ARFGAP2: variants seen among roughly 807,000 people sequenced by gnomAD.
ARFGAP2 encodes the protein ADP-ribosylation factor GTPase-activating protein 2.
ARFGAP2 carries 45 observed loss-of-function variants against 71.9 expected under a neutral mutation model. The observed-to-expected ratio is 0.63, with a 90% CI of 0.49 to 0.80. The LOEUF (loss-of-function observed/expected upper bound fraction) is 0.80, where lower values mean the gene tolerates loss of function less well. Ranked by LOEUF, ARFGAP2 falls within the 30% of genes least tolerant of loss-of-function variation. The pLI is 0.00. For synonymous variants in ARFGAP2, 248 were observed against 249.2 expected, an observed-to-expected ratio of 1.00 and a Z score of 0.05; for missense variants, 633 against 673.9, an observed-to-expected ratio of 0.94 and a Z score of 0.67.
chr11:47,176,481 C>A (rs1565134128), intron 2 of ARFGAP2, 35 bp downstream of exon 2: 1 of 1,596,850 alleles, frequency 6.3e-7, no homozygotes, highest in Non-Finnish European at 8.6e-7. Flanking sequence ...CCTGGCCGGC[C>A]GGGTGGAAAC....
intron 5 of ARFGAP2, chr11:47,174,260 G>A: frequency 5.2e-6 from 1 of 193,764 alleles, no homozygotes; most frequent in Non-Finnish European, 1.1e-5. Flanking sequence ...AACAGGAATT[G>A]AAGCCAAGAG....
chr11:47,176,734 T>C (rs1952847989), intron 1 of ARFGAP2, 48 bp downstream of exon 1: 7 of 1,612,578 alleles, frequency 4.3e-6, no homozygotes, highest in Non-Finnish European at 5.9e-6. Context: ...TCTCCCTCCC[T>C]CAGGCCCCAG....
chr11:47,174,367 CTTTTTTTTTTTTTTTTTTTTT>C (rs10594569), intron 5 of ARFGAP2: 3 of 58,750 alleles, frequency 5.1e-5, no homozygotes, highest in African/African-American at 7.5e-5. Flanking sequence ...AGCACAGTGC[CTTTTTTTTTTTTTTTTTTTTT>C]TTTTTTTTTT....
Position 47,176,811 on chromosome 11 carries a change from TAA to T in ARFGAP2, c.41_42del (p.Phe14Ter), listed in dbSNP as rs758410573. 1.9e-6 allele frequency: 3 copies of T among 1,613,972 alleles called. No individual in the cohort carries two copies. Among genetic ancestry groups the T allele is most frequent in the East Asian group, 2.2e-5 (1 of 44,854 alleles). On this transcript the variant is annotated frameshift_variant, in exon 1 of 16. Transcript: ENST00000524782. LOFTEE classifies it high-confidence loss of function. ...TTGGTTGGAACTGCGCGAAGCCTCT[TAA>T]AAAGAGTCTGGATTTCGGTCTTGTT... is the stretch of plus-strand genomic sequence containing the variant. ...EPNKTEIQTL[F>X]KRLRAVPTNK...
chr11:47,172,057 G>T (rs961248038), intron 8 of ARFGAP2: 1 of 697,950 alleles, frequency 1.4e-6, no homozygotes, highest in Non-Finnish European at 2.4e-6. Flanking sequence ...CAAGCACTCC[G>T]CCAAGCACTA....
At chr11:47,174,912 C>G in intron 5 of ARFGAP2, 103 bp downstream of exon 5, 1 of 1,280,418 alleles carries the variant, frequency 7.8e-7, no homozygotes, top group Non-Finnish European at 1.1e-6. Context: ...CAAGACATCA[C>G]ATCAAAGCAA....
chr11:47,175,093 C>G lies in ARFGAP2; in HGVS notation c.402G>C (p.Trp134Cys). Reference protein sequence around the residue: ...AALARHGTDLWIDNMSSAVPN... With the variant: ...AALARHGTDLCIDNMSSAVPN... ...GAACGGCACTACTCATGTTGTCTAT[C>G]CAAAGCTAGAAAGGAGAAGACACCC... Residue 134 changes from tryptophan to cysteine, a missense_variant, in exon 5 of 16, where the codon TGG (tryptophan) becomes TGC (cysteine). Coordinates refer to ENST00000524782, the MANE Select transcript of ARFGAP2 (RefSeq NM_032389.6). 6.2e-7 allele frequency: 1 copy of G among 1,614,158 alleles called. No homozygotes were observed. The highest frequency in any genetic ancestry group is 8.5e-7 in the Non-Finnish European group (1 of 1,180,038).
chr11:47,176,761 G>A, intron 1 of ARFGAP2, 21 bp downstream of exon 1: 1 of 1,613,908 alleles, frequency 6.2e-7, no homozygotes, highest in Admixed American at 1.7e-5. Context: ...GAGAGACTCC[G>A]CGCGCCCCCT....
chr11:47,172,657 T>C, intron 7 of ARFGAP2: 1 of 1,323,642 alleles, frequency 7.6e-7, no homozygotes, highest in African/African-American at 1.5e-5. Flanking sequence ...GCTCCGCTTC[T>C]AAAGCAGGAA....
At position 47,173,423 on chromosome 11, in the gene ARFGAP2, G is replaced by A; in HGVS notation, c.619+3C>T. ...CCCCACGCCTGCCCGCTGGCATACT[G>A]ACCCAGTGAGGCTTTGGGTGAGGTG... On this transcript the variant is annotated splice_donor_region_variant and intron_variant, in intron 7 of 15. Coordinates refer to ENST00000524782, the MANE Select transcript of ARFGAP2 (RefSeq NM_032389.6). 1 of 1,554,374 alleles carries A rather than the reference G, an allele frequency of 6.4e-7. No individual in the cohort carries two copies. Among genetic ancestry groups the A allele is most frequent in the African/African-American group, 1.4e-5 (1 of 73,396 alleles).
intron 8 of ARFGAP2, 48 bp downstream of exon 8, chr11:47,172,233 C>G (rs765252352): frequency 1.3e-6 from 2 of 1,590,784 alleles, no homozygotes; most frequent in East Asian, 2.2e-5. Context: ...CCCAGGTAGC[C>G]TGCACCCAGC....
chr11:47,168,352 T>C, intron 10 of ARFGAP2, 101 bp from the exon 11 acceptor site: 2 of 1,515,946 alleles, frequency 1.3e-6, no homozygotes, highest in Non-Finnish European at 8.9e-7. Flanking sequence ...TCACGGAGCG[T>C]CACCCAGAGC....
intron 6 of ARFGAP2, 95 bp downstream of exon 6, chr11:47,173,664 C>T (rs892809851): frequency 6.8e-7 from 1 of 1,475,044 alleles, no homozygotes; most frequent in Non-Finnish European, 9.2e-7. Context: ...TACAGGAGGA[C>T]CCCTGCTCCT....
At chr11:47,173,150 G>A in intron 7 of ARFGAP2, 1 of 481,152 alleles carries the variant, frequency 2.1e-6, no homozygotes, top group Non-Finnish European at 3.8e-6. Context: ...GTCTCATGCT[G>A]GCCTCCCCAA....
rs749935994 is a variant in ARFGAP2 at position 47,168,049 on chromosome 11, G to A, written c.1071-6C>T. On this transcript the variant is annotated splice_polypyrimidine_tract_variant and splice_region_variant and intron_variant, in intron 11 of 15. Coordinates refer to ENST00000524782, the MANE Select transcript of ARFGAP2 (RefSeq NM_032389.6). ...AAAAGGGATTGTCCTTGTACCTAGG[G>A]AGACAGTAGAGTGGCTCAGAGAAGC... 6.2e-7 allele frequency: 1 copy of A among 1,614,172 alleles called. No homozygotes were observed.
rs1952272039 is a variant in ARFGAP2 at position 47,164,427 on chromosome 11, G to C, written c.*1055C>G. 5.6e-6 allele frequency: 4 copies of C among 717,930 alleles called. No individual in the cohort carries two copies. Among genetic ancestry groups the C allele is most frequent in the Non-Finnish European group, 8.3e-6 (4 of 479,534 alleles). 44.5% of individuals were successfully genotyped at this position (717,930 alleles called of 1,614,324 possible). A position where few individuals can be genotyped will look rare whatever the true frequency, so the allele number is the denominator to read the frequency against. ...GGAGGGGCAAGGGGAAGAGTGGTCT[G>C]TGTTGCTTGGGAGCCCAACCTACAA... On this transcript the variant is annotated 3_prime_UTR_variant, in exon 16 of 16. Coordinates refer to ENST00000524782, the MANE Select transcript of ARFGAP2 (RefSeq NM_032389.6).
At chr11:47,174,166 T>C (rs1333874163) in intron 5 of ARFGAP2, among the ~76,000 whole-genome samples, 3 of 152,098 alleles carry the variant, frequency 2.0e-5, no homozygotes, top group Non-Finnish European at 2.9e-5. Context: ...ACAACCCCTA[T>C]GAAGGAGCTA....
In ARFGAP2 at chr11:47,165,339, G is replaced by T; in HGVS notation, c.*143C>A. On this transcript the variant is annotated 3_prime_UTR_variant, in exon 16 of 16. Coordinates refer to ENST00000524782, the MANE Select transcript of ARFGAP2 (RefSeq NM_032389.6). ...GACCATTCCCCTCACAGGAGTGAGCGCCTCAAAGGCCACCCCACACACACA... is the reference window on the plus strand; with the variant it reads ...GACCATTCCCCTCACAGGAGTGAGCTCCTCAAAGGCCACCCCACACACACA... The T allele has an allele frequency of 3.9e-6, 4 of 1,021,210 alleles. No individual in the cohort carries two copies. Among genetic ancestry groups the T allele is most frequent in the Non-Finnish European group, 4.2e-6 (3 of 714,188 alleles). The allele number at this position is 1,021,210 out of a possible 1,614,324, so 63.3% of individuals were successfully genotyped here.
At chr11:47,175,402 C>G in intron 3 of ARFGAP2, 89 bp from the exon 4 acceptor site, 2 of 1,584,568 alleles carry the variant, frequency 1.3e-6, no homozygotes, top group South Asian at 2.2e-5. Context: ...CTTATGACAG[C>G]GAAGTTATTA....
Sources: allele counts gnomAD v4.1 joint callset (sites outside exome capture counted in the v4.1 genomes callset), GRCh38; gene constraint gnomAD v4.1.1; transcripts MANE v1.5; gene names NCBI Gene and HGNC (gene_info 2026-07-23, HGNC 2026-07-21).